The following SHTN1 variants were observed in gnomAD, a reference collection of about 807,000 sequenced individuals.
SHTN1 encodes the protein shootin 1, also known as shootin-1.
In SHTN1, 42 loss-of-function variants were observed where a neutral mutation model predicts 83.1. The ratio of observed to expected loss-of-function variants is 0.51; its 90% CI spans 0.39 to 0.65. SHTN1 has a LOEUF of 0.65. SHTN1 is among the 30% of genes least tolerant of loss of function. The pLI is 0.00. For missense variants in SHTN1, 622 were observed against 737.8 expected, an observed-to-expected ratio of 0.84 and a Z score of 1.82; for synonymous variants, 224 against 247.7, an observed-to-expected ratio of 0.90 and a Z score of 0.90.
chr10:117,079,000 T>G (rs866171700), intron 1 of SHTN1, among the ~76,000 whole-genome samples: 19 of 149,650 alleles, frequency 1.3e-4, no homozygotes, highest in South Asian at 2.2e-4. Context: ...TTTGTCTTCA[T>G]TAGCTTGGCT....
intron 1 of SHTN1, among the ~76,000 whole-genome samples, chr10:117,108,033 A>G (rs1853697731): frequency 6.6e-6 from 1 of 152,224 alleles, no homozygotes; most frequent in East Asian, 1.9e-4. Flanking sequence ...GAGCCGCCCA[A>G]TGTTTGTCGT....
At chr10:117,026,253 T>C (rs1852331161) in intron 2 of SHTN1, among the ~76,000 whole-genome samples, 1 of 152,158 alleles carries the variant, frequency 6.6e-6, no homozygotes, top group South Asian at 2.1e-4. Flanking sequence ...CCCTTCAGCC[T>C]TAGGGAACAT....
chr10:117,105,297 TGA>T (rs1853656312), intron 1 of SHTN1, among the ~76,000 whole-genome samples: 1 of 152,232 alleles, frequency 6.6e-6, no homozygotes, highest in Admixed American at 6.5e-5. Context: ...ATTTGCTCAT[TGA>T]GAGATCACAA....
At chr10:117,006,752 A>AG (rs1852020750), upstream of SHTN1, among the ~76,000 whole-genome samples, 2 of 152,234 alleles carry the variant, frequency 1.3e-5, no homozygotes, top group African/African-American at 4.8e-5. Context: ...GTACAGCAAC[A>AG]GCACAGTGCT....
intron 1 of SHTN1, among the ~76,000 whole-genome samples, chr10:117,095,625 C>T (rs1319648260): frequency 6.6e-6 from 1 of 152,136 alleles, no homozygotes; most frequent in African/African-American, 2.4e-5. Flanking sequence ...TTCATCTTTT[C>T]CTTCCATAAA....
chr10:117,026,423 CTTT>C (rs56269054), intron 2 of SHTN1, among the ~76,000 whole-genome samples: 529 of 143,342 alleles, frequency 3.7e-3, no homozygotes, highest in East Asian at 3.5e-3. Flanking sequence ...AGATAGACTT[CTTT>C]TTTTTTTTTT....
At position 116,978,322 on chromosome 10, in the gene SHTN1, C is replaced by T. The variant is rs546239294; in HGVS notation, c.111+934G>A. Reference sequence around the variant, plus strand: ...CCAGTTTTTATTACAGCTCTTACTCCGAAATTTTAAAAATGAGGTTTCACA... The same window carrying T: ...CCAGTTTTTATTACAGCTCTTACTCTGAAATTTTAAAAATGAGGTTTCACA... On this transcript the variant is annotated intron_variant, in intron 2 of 16. Coordinates refer to ENST00000355371, the MANE Select transcript of SHTN1 (RefSeq NM_001127211.3). 8.1e-4 allele frequency among the ~76,000 whole-genome samples: 124 copies of T among 152,180 alleles called. 3 individuals are homozygous for T. The South Asian group carries it at 0.022, about 27-fold the overall frequency.
chr10:117,113,161 G>A (rs1035439051), intron 1 of SHTN1, among the ~76,000 whole-genome samples: 3 of 152,272 alleles, frequency 2.0e-5, no homozygotes, highest in South Asian at 2.1e-4. Context: ...TCTGAAGTAA[G>A]AGGAGCCATT....
intron 7 of SHTN1, among the ~76,000 whole-genome samples, chr10:116,946,594 TATATAAAATG>T (rs1849599574): frequency 1.7e-5 from 2 of 116,726 alleles, no homozygotes; most frequent in Admixed American, 2.1e-4. Context: ...TATATATAAA[TATATAAAATG>T]ATTTATATAT....
At chr10:116,981,097 T>A (rs1378486619) in intron 1 of SHTN1, among the ~76,000 whole-genome samples, 1 of 152,082 alleles carries the variant, frequency 6.6e-6, no homozygotes, top group Non-Finnish European at 1.5e-5. Flanking sequence ...GGTGGGCAGA[T>A]CACTTGAGGT....
At chr10:117,100,714 T>A (rs1476645011) in intron 1 of SHTN1, among the ~76,000 whole-genome samples, 3 of 152,210 alleles carry the variant, frequency 2.0e-5, no homozygotes, top group Non-Finnish European at 4.4e-5. Context: ...TTCATTTAGC[T>A]AAGGCATTTC....
chr10:116,980,070 G>GA (rs72390870), intron 1 of SHTN1, among the ~76,000 whole-genome samples: 20,343 of 144,712 alleles, frequency 0.14, 1,734 homozygotes, highest in Admixed American at 0.2. Flanking sequence ...CCCCTGCCCA[G>GA]AAAAAAAAAA....
intron 2 of SHTN1, among the ~76,000 whole-genome samples, chr10:117,029,536 G>T (rs774354949): frequency 4.6e-5 from 7 of 152,194 alleles, no homozygotes; most frequent in Admixed American, 6.5e-5. Flanking sequence ...AATGCTGAAT[G>T]TTGGAGGTGG....
chr10:117,031,239 A>G (rs889040563), intron 2 of SHTN1, among the ~76,000 whole-genome samples: 1 of 152,202 alleles, frequency 6.6e-6, no homozygotes, highest in Admixed American at 6.5e-5. Context: ...TTTACCTGAG[A>G]ATAGTATATC....
At chr10:116,969,402 T>C (rs1287224375) in intron 2 of SHTN1, among the ~76,000 whole-genome samples, 3 of 152,056 alleles carry the variant, frequency 2.0e-5, no homozygotes, top group East Asian at 3.9e-4. Flanking sequence ...GATCACACCA[T>C]TGCACTCCAG....
chr10:116,989,758 T>C (rs995806182), intron 1 of SHTN1, among the ~76,000 whole-genome samples: 4 of 152,226 alleles, frequency 2.6e-5, no homozygotes, highest in Non-Finnish European at 5.9e-5. Flanking sequence ...GATGGTAATA[T>C]AAACCAGAGT....
At chr10:117,113,585 G>T (rs932794180) in intron 1 of SHTN1, among the ~76,000 whole-genome samples, 1 of 151,926 alleles carries the variant, frequency 6.6e-6, no homozygotes, top group Non-Finnish European at 1.5e-5. Flanking sequence ...AACCATATGC[G>T]TTCATGCTCA....
At chr10:116,907,810 G>C (rs1374070336) in intron 14 of SHTN1, 5 of 489,962 alleles carry the variant, frequency 1.0e-5, no homozygotes, top group Middle Eastern at 3.2e-4. Flanking sequence ...TCATGCCAGA[G>C]TCAAAAGACA....
At chr10:117,005,198 C>G (rs1318600383), upstream of SHTN1, 17 of 1,525,382 alleles carry the variant, frequency 1.1e-5, no homozygotes, top group East Asian at 4.9e-5. Flanking sequence ...GAAGTTGGAT[C>G]CGCTCCCGCT....
Sources: gnomAD v4.1 joint callset for allele counts (sites outside exome capture counted in the v4.1 genomes callset) on GRCh38, gnomAD v4.1.1 for gene constraint, MANE v1.5 for transcripts, NCBI Gene and HGNC (gene_info 2026-07-23, HGNC 2026-07-21) for gene names.